The following HERC4 variants were observed in gnomAD, a reference collection of about 807,000 sequenced individuals.
The protein encoded by HERC4 is HECT and RLD domain containing E3 ubiquitin protein ligase 4.
Under a neutral mutation model 124.3 loss-of-function variants are expected in HERC4, and 28 were observed. The ratio of observed to expected loss-of-function variants is 0.23; its 90% CI spans 0.17 to 0.31. The LOEUF (loss-of-function observed/expected upper bound fraction) is 0.31, where lower values mean the gene tolerates loss of function less well. HERC4 is among the 10% of genes least tolerant of loss of function. The pLI, the probability that HERC4 is intolerant of heterozygous loss-of-function variation, is 1.00. For missense variants in HERC4, 713 were observed against 1,229.3 expected (o/e 0.58, Z 6.28); for synonymous variants, 407 against 421.5 (o/e 0.97, Z 0.42).
chr10:67,927,422 A>T (rs1226229363), intron 23 of HERC4, among the ~76,000 whole-genome samples: 112 of 7,188 alleles, frequency 0.016, 8 homozygotes, highest in African/African-American at 0.035. Context: ...ATATATATAT[A>T]TATATATATT....
At chr10:68,069,344 T>C (rs1329292254) in intron 3 of HERC4, 6 of 983,864 alleles carry the variant, frequency 6.1e-6, no homozygotes, top group Non-Finnish European at 7.2e-6. Flanking sequence ...GAAAAAAACA[T>C]GAAAGTGAAA....
intron 9 of HERC4, among the ~76,000 whole-genome samples, chr10:68,002,930 T>C (rs2037317472): frequency 6.6e-6 from 1 of 151,958 alleles, no homozygotes; most frequent in Non-Finnish European, 1.5e-5. Flanking sequence ...ACACAGTAGG[T>C]ATATATATTT....
intron 15 of HERC4, among the ~76,000 whole-genome samples, chr10:67,977,366 C>T (rs972568472): frequency 5.9e-5 from 9 of 152,158 alleles, no homozygotes; most frequent in Non-Finnish European, 2.9e-5. Flanking sequence ...CTTTCATTAT[C>T]TGTTAACTGA....
intron 9 of HERC4, chr10:68,007,602 G>C (rs1366556644): frequency 3.3e-5 from 5 of 152,062 alleles, no homozygotes; most frequent in Non-Finnish European, 5.9e-5. Context: ...GAACTTCTTG[G>C]GAAGGCATTC....
intron 8 of HERC4, 60 bp from the exon 9 acceptor site, chr10:68,014,246 C>A: frequency 7.2e-7 from 1 of 1,380,502 alleles, no homozygotes. Context: ...TTTACAATGA[C>A]AAAAGCAGAG....
intron 3 of HERC4, among the ~76,000 whole-genome samples, chr10:68,046,016 T>G (rs2039996175): frequency 6.6e-6 from 1 of 152,046 alleles, no homozygotes; most frequent in Non-Finnish European, 1.5e-5. Flanking sequence ...TCCTGAAGCT[T>G]CCAGTACATG....
chr10:67,935,963 T>C (rs2032322152), intron 22 of HERC4, among the ~76,000 whole-genome samples, 190 bp downstream of exon 22: 1 of 152,190 alleles, frequency 6.6e-6, no homozygotes, highest in African/African-American at 2.4e-5. Context: ...CTGCTGTCAC[T>C]TCTCCCTTCT....
chr10:67,939,641 A>C lies in HERC4; in HGVS notation c.2518T>G (p.Leu840Val). The C allele has an allele frequency of 6.2e-7, 1 of 1,604,612 alleles. No individual in the cohort carries two copies. The highest frequency in any genetic ancestry group is 1.1e-5 in the South Asian group (1 of 88,732). Reference sequence around the variant, plus strand: ...ATGTCATCTTCTGGATAATCCAGTAACTGTTGCATGCTTCTGCAAAATAAT... The same window carrying C: ...ATGTCATCTTCTGGATAATCCAGTACCTGTTGCATGCTTCTGCAAAATAAT... Reference protein sequence around the residue: ...MPDVGRSMQQLLDYPEDDIEE... With the variant: ...MPDVGRSMQQVLDYPEDDIEE... Residue 840 changes from leucine (L) to valine (V), a missense_variant, in exon 21 of 25, where the codon TTA (leucine) becomes GTA (valine). Coordinates refer to ENST00000373700, the MANE Select transcript of HERC4 (RefSeq NM_015601.4).
At chr10:67,997,915 G>GTTTTTTTTTTTTTTTTTTTTT (rs199974939) in intron 9 of HERC4, among the ~76,000 whole-genome samples, 3 of 151,986 alleles carry the variant, frequency 2.0e-5, no homozygotes, top group African/African-American at 7.2e-5. Flanking sequence ...TTGTTCATTT[G>GTTTTTTTTTTTTTTTTTTTTT]TTTTTGAGAC....
chr10:67,938,110 G>A (rs1247662733), intron 21 of HERC4, among the ~76,000 whole-genome samples: 2 of 151,912 alleles, frequency 1.3e-5, no homozygotes, highest in East Asian at 3.9e-4. Context: ...TTGTGTGTGT[G>A]GCAGGGTGGC....
chr10:67,956,466 C>T (rs78721245), intron 17 of HERC4: 4,615 of 153,114 alleles, frequency 0.03, 236 homozygotes, highest in African/African-American at 0.1. Context: ...TTCTTCCTAA[C>T]GAGATCAAAT....
intron 4 of HERC4, chr10:68,039,993 C>T: frequency 1.4e-6 from 1 of 732,742 alleles, no homozygotes; most frequent in South Asian, 6.0e-5. Context: ...TAATATTTGT[C>T]TCCTCTGCTA....
At position 67,996,123 on chromosome 10, in the gene HERC4, T is replaced by C. The variant is rs187174931; in HGVS notation, c.1070-3441A>G. 28 of 449,776 alleles carry C rather than the reference T, an allele frequency of 6.2e-5. No homozygotes were observed. In the East Asian group the frequency reaches 1.8e-3, roughly 29 times the overall value. The allele number at this position is 449,776 out of a possible 1,614,324, so 27.9% of individuals were successfully genotyped here. On this transcript the variant is annotated intron_variant, in intron 9 of 24. Transcript: ENST00000373700. The stretch of plus-strand genomic sequence containing the variant: ...GAGTTCAAGACCAGCCTGGACAACA[T>C]GGCAAGACCTCGCCTCTACAAAAAA...
chr10:67,961,228 T>C (rs562484440), intron 16 of HERC4: 2 of 161,572 alleles, frequency 1.2e-5, no homozygotes, highest in Admixed American at 6.5e-5. Flanking sequence ...CTTGAATTTT[T>C]AAAATGCAAT....
chr10:68,012,266 A>G (rs1368109415), intron 9 of HERC4, among the ~76,000 whole-genome samples: 1 of 152,202 alleles, frequency 6.6e-6, no homozygotes, highest in Non-Finnish European at 1.5e-5. Flanking sequence ...TAGCACTTTT[A>G]ATTCCTTTAA....
Position 68,045,512 on chromosome 10 carries a change from T to C in HERC4, c.227-949A>G, listed in dbSNP as rs969995346. ...CCAACTTAATATCAAAAGATACATG[T>C]AGTTAAAATATGTTCAATTTTTAAA... is the stretch of plus-strand genomic sequence containing the variant. On this transcript the variant is annotated intron_variant, in intron 3 of 24. Transcript: ENST00000373700. 3.3e-5 allele frequency among the ~76,000 whole-genome samples: 5 copies of C among 152,216 alleles called. No individual in the cohort carries two copies. The East Asian group carries it at 9.6e-4, about 29-fold the overall frequency.
At chr10:67,931,011 A>C (rs1239214047) in intron 23 of HERC4, among the ~76,000 whole-genome samples, 2 of 151,952 alleles carry the variant, frequency 1.3e-5, no homozygotes, top group African/African-American at 4.8e-5. Flanking sequence ...TTTGAGATGG[A>C]GTCTTGCTCT....
At chr10:67,983,136 G>C (rs145788604) in intron 15 of HERC4, among the ~76,000 whole-genome samples, 127 of 149,884 alleles carry the variant, frequency 8.5e-4, no homozygotes, top group African/African-American at 3.0e-3. Context: ...CAATACCACC[G>C]AACACCAGTG....
chr10:67,959,995 A>G (rs982138845), intron 16 of HERC4, among the ~76,000 whole-genome samples: 1 of 152,250 alleles, frequency 6.6e-6, no homozygotes, highest in Non-Finnish European at 1.5e-5. Flanking sequence ...GAGGTGACCT[A>G]TAGACCTGTG....
Sources: allele counts gnomAD v4.1 joint callset (sites outside exome capture counted in the v4.1 genomes callset), GRCh38; gene constraint gnomAD v4.1.1; transcripts MANE v1.5; gene names NCBI Gene and HGNC (gene_info 2026-07-23, HGNC 2026-07-21).